Variants in LRP1B observed in about 807,000 individuals in gnomAD.
LRP1B encodes low-density lipoprotein receptor-related protein 1B.
Under a neutral mutation model 556.6 loss-of-function variants are expected in LRP1B, and 217 were observed. The observed-to-expected ratio is 0.39, with a 90% CI of 0.35 to 0.44. The LOEUF (loss-of-function observed/expected upper bound fraction) is 0.44. Ranked by LOEUF, LRP1B falls within the 20% of genes least tolerant of loss-of-function variation. LRP1B has a pLI of 1.00. For missense variants in LRP1B, 5,053 were observed against 5,620.8 expected, an observed-to-expected ratio of 0.90 and a Z score of 3.23; for synonymous variants, 2,047 against 1,865.8, an observed-to-expected ratio of 1.10 and a Z score of -2.50.
At chr2:141,115,400 C>A (rs1700862188) in intron 7 of LRP1B, among the ~76,000 whole-genome samples, 1 of 151,436 alleles carries the variant, frequency 6.6e-6, no homozygotes, top group African/African-American at 2.4e-5. Context: ...CATCCCATTC[C>A]AAGAACATTC....
chr2:140,635,624 G>T (rs1466155698), intron 41 of LRP1B, among the ~76,000 whole-genome samples: 1 of 151,704 alleles, frequency 6.6e-6, no homozygotes. Flanking sequence ...ATGGTACATT[G>T]GTTCATCTGT....
At chr2:140,333,055 A>G (rs1043258331) in intron 79 of LRP1B, among the ~76,000 whole-genome samples, 1 of 151,994 alleles carries the variant, frequency 6.6e-6, no homozygotes, top group African/African-American at 2.4e-5. Context: ...CCATCCTCAT[A>G]TCTTCCATTC....
At chr2:141,826,093 G>GA (rs893688301) in intron 1 of LRP1B, among the ~76,000 whole-genome samples, 1 of 151,400 alleles carries the variant, frequency 6.6e-6, no homozygotes, top group Non-Finnish European at 1.5e-5. Flanking sequence ...CAATCAAAAA[G>GA]AAAAAAAATC....
intron 27 of LRP1B, among the ~76,000 whole-genome samples, chr2:140,865,200 A>C (rs1183282449): frequency 1.3e-5 from 2 of 152,062 alleles, no homozygotes; most frequent in African/African-American, 4.8e-5. Flanking sequence ...CCAATTTGGA[A>C]CTTTGTGTGC....
At chr2:141,904,902 C>T (rs1699712586) in intron 1 of LRP1B, among the ~76,000 whole-genome samples, 2 of 152,042 alleles carry the variant, frequency 1.3e-5, no homozygotes, top group South Asian at 2.1e-4. Flanking sequence ...GGACAGAGAC[C>T]TGACCACCTA....
At position 140,868,082 on chromosome 2, in the gene LRP1B, G is replaced by T. The variant is rs756902081; in HGVS notation, c.4334+17C>A. 7.0e-6 allele frequency: 11 copies of T among 1,570,770 alleles called. No individual in the cohort carries two copies. In the Admixed American group the frequency reaches 1.2e-4, roughly 18 times the overall value. ...TAAGTAAAAAAAAAAATACAGAAAA[G>T]AGATGATTTTTTAAACCTGGCGTCT... On this transcript the variant is annotated intron_variant, in intron 26 of 90. Transcript: ENST00000389484.
chr2:140,635,645 T>G (rs1684046412), intron 41 of LRP1B, among the ~76,000 whole-genome samples: 1 of 151,876 alleles, frequency 6.6e-6, no homozygotes, highest in Non-Finnish European at 1.5e-5. Context: ...ACTCTGAGTT[T>G]TATGTCCTAT....
intron 41 of LRP1B, among the ~76,000 whole-genome samples, chr2:140,602,058 A>G (rs1682694382): frequency 1.3e-5 from 2 of 152,084 alleles, no homozygotes; most frequent in South Asian, 2.1e-4. Flanking sequence ...AGATCTGGAG[A>G]TGTCCAGGAA....
At chr2:140,653,504 T>C (rs1001152832) in intron 41 of LRP1B, among the ~76,000 whole-genome samples, 5 of 151,986 alleles carry the variant, frequency 3.3e-5, no homozygotes, top group African/African-American at 9.7e-5. Flanking sequence ...AAAATTTATA[T>C]GATAATAACA....
intron 23 of LRP1B, 63 bp from the exon 24 acceptor site, chr2:140,886,398 G>T: frequency 3.7e-6 from 3 of 804,368 alleles, no homozygotes; most frequent in South Asian, 2.1e-5. Flanking sequence ...GAAATGCTTG[G>T]GATCAAAATA....
At chr2:142,049,363 A>G (rs1275472598) in intron 1 of LRP1B, among the ~76,000 whole-genome samples, 1 of 152,114 alleles carries the variant, frequency 6.6e-6, no homozygotes, top group Non-Finnish European at 1.5e-5. Flanking sequence ...ACATCCACTC[A>G]GCCTAATATA....
intron 2 of LRP1B, among the ~76,000 whole-genome samples, chr2:141,628,873 C>T (rs1408867985): frequency 1.3e-5 from 2 of 152,032 alleles, no homozygotes; most frequent in African/African-American, 4.8e-5. Flanking sequence ...TGGTCTTGAA[C>T]CCCTGAGCTC....
intron 7 of LRP1B, among the ~76,000 whole-genome samples, chr2:141,100,367 G>A (rs945026386): frequency 2.0e-5 from 3 of 152,146 alleles, no homozygotes; most frequent in Admixed American, 1.3e-4. Context: ...AGCAAGAAAC[G>A]GTTGGGGCAG....
intron 2 of LRP1B, among the ~76,000 whole-genome samples, chr2:141,765,152 G>A (rs1694694521): frequency 6.6e-6 from 1 of 152,050 alleles, no homozygotes; most frequent in Non-Finnish European, 1.5e-5. Context: ...CTTCACAAGT[G>A]GCAAAAATAA....
intron 3 of LRP1B, among the ~76,000 whole-genome samples, chr2:141,273,668 G>T (rs1380628651): frequency 1.3e-5 from 2 of 152,064 alleles, no homozygotes; most frequent in Admixed American, 1.3e-4. Context: ...CCTTGGGTTA[G>T]AAAAAAGGCT....
intron 18 of LRP1B, among the ~76,000 whole-genome samples, chr2:140,962,126 A>G (rs1323094854): frequency 2.6e-5 from 4 of 152,256 alleles, no homozygotes; most frequent in Admixed American, 2.6e-4. Context: ...CTAGAATTTC[A>G]GAACCTGTAA....
intron 7 of LRP1B, among the ~76,000 whole-genome samples, chr2:141,161,087 A>C (rs965787143): frequency 3.9e-5 from 6 of 152,162 alleles, no homozygotes; most frequent in Admixed American, 2.6e-4. Context: ...AAACGGATTA[A>C]GTACAATAAA....
chr2:141,465,916 T>C (rs1288027558), intron 3 of LRP1B, among the ~76,000 whole-genome samples: 1 of 151,232 alleles, frequency 6.6e-6, no homozygotes, highest in Non-Finnish European at 1.5e-5. Context: ...TGAGACAGAG[T>C]TTCACTCTTT....
chr2:140,385,348 T>C (rs1425867884), intron 67 of LRP1B, among the ~76,000 whole-genome samples: 1 of 152,178 alleles, frequency 6.6e-6, no homozygotes, highest in Non-Finnish European at 1.5e-5. Context: ...TTGGGGAGAA[T>C]TATTATTTTT....
Sources: gnomAD v4.1 joint callset for allele counts (sites outside exome capture counted in the v4.1 genomes callset) on GRCh38, gnomAD v4.1.1 for gene constraint, MANE v1.5 for transcripts, NCBI Gene and HGNC (gene_info 2026-07-23, HGNC 2026-07-21) for gene names.